DLG2: variants seen among roughly 807,000 people sequenced by gnomAD.
DLG2 encodes the protein discs large MAGUK scaffold protein 2.
A neutral mutation model predicts 132.5 loss-of-function variants in DLG2; 45 were observed. That is an observed-to-expected ratio of 0.34 (90% CI 0.27 to 0.44). The LOEUF is 0.44. Among genes scored for constraint, DLG2 ranks in the 20% least tolerant of loss-of-function variants. DLG2 has a pLI of 1.00. For missense variants in DLG2, 1,045 were observed against 1,196.9 expected (o/e 0.87, Z 1.87); for synonymous variants, 424 against 419.6 (o/e 1.01, Z -0.13).
chr11:83,570,030 T>C (rs2096772294), intron 19 of DLG2, among the ~76,000 whole-genome samples: 1 of 152,198 alleles, frequency 6.6e-6, no homozygotes, highest in Admixed American at 6.6e-5. Context: ...AAAAAAGAAG[T>C]TAAACCTATG....
chr11:84,354,355 T>A (rs2098598569), intron 7 of DLG2, among the ~76,000 whole-genome samples: 1 of 152,148 alleles, frequency 6.6e-6, no homozygotes, highest in African/African-American at 2.4e-5. Context: ...TAGCAATAAA[T>A]TTGCATTAGT....
In DLG2 at chr11:84,890,281, C is replaced by A. The variant is rs370030195; in HGVS notation, c.357+221380G>T. 6.6e-5 allele frequency among the ~76,000 whole-genome samples: 10 copies of A among 152,212 alleles called. No homozygotes were observed. The South Asian group carries it at 2.1e-3, about 32-fold the overall frequency. On this transcript the variant is annotated intron_variant, in intron 6 of 27. Transcript: ENST00000376104. Reference sequence around the variant, plus strand: ...CTTAAGCGTTCAATAACTGTTAGTTCCCTTCTCTTGTGCTGTAGAAAAAGT... The same window carrying A: ...CTTAAGCGTTCAATAACTGTTAGTTACCTTCTCTTGTGCTGTAGAAAAAGT...
intron 5 of DLG2, among the ~76,000 whole-genome samples, chr11:85,148,260 T>C (rs2076991957): frequency 6.6e-6 from 1 of 152,198 alleles, no homozygotes; most frequent in Non-Finnish European, 1.5e-5. Flanking sequence ...TTCCTTTGGG[T>C]ATATACCTAG....
intron 6 of DLG2, among the ~76,000 whole-genome samples, chr11:84,892,632 A>G (rs1209705942): frequency 6.6e-6 from 1 of 152,130 alleles, no homozygotes; most frequent in Non-Finnish European, 1.5e-5. Context: ...GGTGGACTTA[A>G]GAGAATTTTT....
chr11:85,505,146 T>C (rs1169492295), intron 3 of DLG2, among the ~76,000 whole-genome samples: 1 of 152,228 alleles, frequency 6.6e-6, no homozygotes, highest in Non-Finnish European at 1.5e-5. Context: ...TTTCTAAATA[T>C]ACAATCATGT....
At chr11:83,599,631 G>A (rs1006525001) in intron 19 of DLG2, among the ~76,000 whole-genome samples, 1 of 152,020 alleles carries the variant, frequency 6.6e-6, no homozygotes, top group Non-Finnish European at 1.5e-5. Flanking sequence ...TAATACTGTG[G>A]AATTACCTGT....
At chr11:83,516,222 A>G (rs2095287603) in intron 21 of DLG2, among the ~76,000 whole-genome samples, 1 of 152,154 alleles carries the variant, frequency 6.6e-6, no homozygotes, top group Non-Finnish European at 1.5e-5. Context: ...TATTGGGTGC[A>G]TATATATTTA....
At chr11:85,141,312 T>C (rs890266259) in intron 5 of DLG2, among the ~76,000 whole-genome samples, 2 of 151,820 alleles carry the variant, frequency 1.3e-5, no homozygotes, top group African/African-American at 4.8e-5. Flanking sequence ...CATTTCTTGA[T>C]GATTAATAAT....
At chr11:85,376,746 C>G (rs907147151) in intron 3 of DLG2, among the ~76,000 whole-genome samples, 1 of 151,866 alleles carries the variant, frequency 6.6e-6, no homozygotes, top group Non-Finnish European at 1.5e-5. Flanking sequence ...ATTAAGAAAC[C>G]AACCATTAGA....
At chr11:85,198,914 A>G (rs182958551) in intron 4 of DLG2, among the ~76,000 whole-genome samples, 21 of 152,302 alleles carry the variant, frequency 1.4e-4, no homozygotes, top group Admixed American at 5.9e-4. Flanking sequence ...CTCTCTGCCA[A>G]AAGTTCCTCT....
chr11:85,395,521 C>G (rs902991157), intron 3 of DLG2, among the ~76,000 whole-genome samples: 2 of 152,120 alleles, frequency 1.3e-5, no homozygotes, highest in African/African-American at 4.8e-5. Context: ...CCGTGACAGG[C>G]CATACCTAGA....
Position 83,930,392 on chromosome 11 carries a change from A to G in DLG2, c.1432T>C (p.Phe478Leu). ...TGGGAATAGGGAGCTGAGAGGAGGA[A>G]GCTTTTGTCACACTCAACAGGGGAA... ...HYSPVECDKS[F>L]LLSAPYSHYH... Residue 478 changes from phenylalanine to leucine, a missense_variant, in exon 15 of 28, where the codon TTC becomes CTC. Transcript: ENST00000376104. 6.2e-7 allele frequency: 1 copy of G among 1,614,096 alleles called. No homozygotes were observed.
chr11:85,589,805 C>A (rs571136591), intron 3 of DLG2, among the ~76,000 whole-genome samples: 2 of 152,078 alleles, frequency 1.3e-5, no homozygotes, highest in East Asian at 3.9e-4. Context: ...CAGGTTACAC[C>A]CCTCCCCATC....
intron 6 of DLG2, among the ~76,000 whole-genome samples, chr11:84,838,237 A>G (rs554161763): frequency 6.6e-6 from 1 of 152,002 alleles, no homozygotes; most frequent in East Asian, 1.9e-4. Flanking sequence ...GCTCTCACTA[A>G]CAAGCCTCCT....
intron 6 of DLG2, among the ~76,000 whole-genome samples, chr11:85,036,105 G>A (rs2154146910): frequency 6.6e-6 from 1 of 152,252 alleles, no homozygotes; most frequent in South Asian, 2.1e-4. Flanking sequence ...TGGAAGAAAA[G>A]CATAGTGCCT....
At chr11:83,767,685 T>C (rs565400071) in intron 18 of DLG2, among the ~76,000 whole-genome samples, 1 of 152,298 alleles carries the variant, frequency 6.6e-6, no homozygotes, top group Non-Finnish European at 1.5e-5. Context: ...GTTTTAGGGA[T>C]TACATTAATT....
Position 85,147,869 on chromosome 11 carries a change from C to T in DLG2, c.282+6687G>A, listed in dbSNP as rs150589048. ...TCATCTAGGTCTTAAATCCCACATG[C>T]ATTAGCTATTTGTCCTAATGTTCTC... On this transcript the variant is annotated intron_variant, in intron 5 of 27. Coordinates refer to ENST00000376104, the MANE Select transcript of DLG2 (RefSeq NM_001142699.3). 7.7e-3 allele frequency among the ~76,000 whole-genome samples: 1,170 copies of T among 152,280 alleles called. 14 individuals are homozygous for T. Among genetic ancestry groups the T allele is most frequent in the African/African-American group, 0.026 (1,072 of 41,548 alleles).
intron 3 of DLG2, among the ~76,000 whole-genome samples, chr11:85,529,825 G>C (rs764121989): frequency 2.0e-5 from 3 of 152,004 alleles, no homozygotes; most frequent in Admixed American, 1.3e-4. Context: ...AACAACAAAG[G>C]CTCCCAGACA....
chr11:85,495,388 A>G (rs1283197533), intron 3 of DLG2, among the ~76,000 whole-genome samples: 2 of 152,174 alleles, frequency 1.3e-5, no homozygotes, highest in African/African-American at 4.8e-5. Flanking sequence ...TATCCATCTG[A>G]TGAAGGTCTA....
Sources: gnomAD v4.1 joint callset for allele counts (sites outside exome capture counted in the v4.1 genomes callset) on GRCh38, gnomAD v4.1.1 for gene constraint, MANE v1.5 for transcripts, NCBI Gene and HGNC (gene_info 2026-07-23, HGNC 2026-07-21) for gene names.